CHD5: variants seen among roughly 807,000 people sequenced by gnomAD.
CHD5 encodes ATP-dependent chromatin remodeler CHD5.
In CHD5, 69 loss-of-function variants were observed where a neutral mutation model predicts 230.3. The observed-to-expected ratio is 0.30, with a 90% CI of 0.25 to 0.37. The LOEUF is 0.37. Ranked by LOEUF, CHD5 falls within the 10% of genes least tolerant of loss-of-function variation. CHD5 has a pLI of 1.00. For missense variants in CHD5, 1,827 were observed against 2,622.8 expected (o/e 0.70, Z 6.63); for synonymous variants, 1,064 against 1,065.9 (o/e 1.00, Z 0.03).
chr1:6,118,192 A>T (rs886420951), intron 33 of CHD5, among the ~76,000 whole-genome samples: 1 of 152,110 alleles, frequency 6.6e-6, no homozygotes, highest in Non-Finnish European at 1.5e-5. Flanking sequence ...CCTGGGCAAC[A>T]TGGCAAAACC....
At chr1:6,150,998 G>C (rs778731630) in intron 7 of CHD5, 34 bp downstream of exon 7, 5 of 1,484,668 alleles carry the variant, frequency 3.4e-6, no homozygotes, top group Admixed American at 4.0e-5. Context: ...CATCCACCCA[G>C]CAGGCCAAGA....
intron 1 of CHD5, among the ~76,000 whole-genome samples, chr1:6,177,554 G>A (rs1166996681): frequency 1.3e-5 from 2 of 152,210 alleles, no homozygotes; most frequent in Non-Finnish European, 2.9e-5. Context: ...CCAGCTACTA[G>A]GGAGGTTGAG....
At chr1:6,108,959 G>C (rs939761180) in intron 38 of CHD5, among the ~76,000 whole-genome samples, 1 of 151,900 alleles carries the variant, frequency 6.6e-6, no homozygotes, top group African/African-American at 2.4e-5. Flanking sequence ...GAGGTAGCCC[G>C]AGAGCTGGGG....
chr1:6,134,036 G>C lies in CHD5; in HGVS notation c.3144+92C>G, dbSNP rs1184089021. ...ACATGGGAACGGCACTGGGCCCTGA[G>C]GGGTGCCAGCAAGTTTGCGCCCCCA... On this transcript the variant is annotated intron_variant, in intron 20 of 41. Coordinates refer to ENST00000262450, the MANE Select transcript of CHD5 (RefSeq NM_015557.3). This position sits in a 1 kb window ranked among gnomAD's most constrained non-coding sequence, Gnocchi z 6.3. The C allele has an allele frequency of 1.5e-6, 2 of 1,301,512 alleles. No homozygotes were observed. Among genetic ancestry groups the C allele is most frequent in the Non-Finnish European group, 2.1e-6 (2 of 930,692 alleles). 80.6% of individuals were successfully genotyped at this position (1,301,512 alleles called of 1,614,324 possible). A position where few individuals can be genotyped will look rare whatever the true frequency, so the allele number is the denominator to read the frequency against.
intron 38 of CHD5, among the ~76,000 whole-genome samples, chr1:6,109,315 C>T (rs1192253880): frequency 5.9e-5 from 9 of 152,152 alleles, no homozygotes; most frequent in Admixed American, 5.9e-4. Context: ...CCCAACCAGC[C>T]GGGAGCCCCG....
At chr1:6,111,379 C>T (rs1222997911) in intron 36 of CHD5, among the ~76,000 whole-genome samples, 1 of 151,494 alleles carries the variant, frequency 6.6e-6, no homozygotes, top group African/African-American at 2.4e-5. Flanking sequence ...ACTAAAAATA[C>T]AAAAATTAGC....
rs374266322 is a variant in CHD5, at chr1:6,128,073, C to T, written c.3876G>A (p.Gln1292=). 1 of 1,612,444 alleles carries T rather than the reference C, an allele frequency of 6.2e-7. No homozygotes were observed. Among genetic ancestry groups the T allele is most frequent in the African/African-American group, 1.3e-5 (1 of 74,900 alleles). The change falls in exon 25 of 42, where the codon CAG becomes CAA. Residue 1292 remains glutamine (Q), a synonymous_variant. Transcript: ENST00000262450. The surrounding 1 kb of genome is among the most constrained non-coding windows in gnomAD (Gnocchi z 7.8). ...NEYLSSFKVA[Q]YVVREEDGVE... ...CGCCGTCCTCCTCGCGCACCACGTA[C>T]TGCGCCACCTTGAAGGAGCTCAGGT...
chr1:6,146,693 C>A lies in CHD5; in HGVS notation c.1562G>T (p.Trp521Leu). 1 of 1,613,914 alleles carries A rather than the reference C, an allele frequency of 6.2e-7. No individual in the cohort carries two copies. Among genetic ancestry groups the A allele is most frequent in the Non-Finnish European group, 8.5e-7 (1 of 1,179,982 alleles). ...TAGCTCCTTCACCCAGGAGCAATGC[C>A]AGTAGGACAGCCCTGCCCACTTGAC... ...FFVKWAGLSY[W>L]HCSWVKELQL... The change falls in exon 10 of 42, where the codon TGG (tryptophan) becomes TTG (leucine). Residue 521 changes from tryptophan (W) to leucine (L), a missense_variant. Physicochemically the swap from Trp to Leu is moderately conservative, Grantham distance 61. Coordinates refer to ENST00000262450, the MANE Select transcript of CHD5 (RefSeq NM_015557.3). The surrounding 1 kb of genome is among the most constrained non-coding windows in gnomAD (Gnocchi z 5.1).
intron 20 of CHD5, among the ~76,000 whole-genome samples, chr1:6,133,255 G>A (rs1427450859): frequency 6.6e-6 from 1 of 152,160 alleles, no homozygotes; most frequent in Non-Finnish European, 1.5e-5. Context: ...TCAGACTTGC[G>A]TCTCGTGTTG....
rs1264933954 is a variant in CHD5, at chr1:6,155,569, C to T, written c.506+30G>A. 2 of 1,561,012 alleles carry T rather than the reference C, an allele frequency of 1.3e-6. No individual in the cohort carries two copies. The highest frequency in any genetic ancestry group is 1.8e-6 in the Non-Finnish European group (2 of 1,132,334). On this transcript the variant is annotated intron_variant, in intron 4 of 41. Transcript: ENST00000262450. The surrounding 1 kb of genome is among the most constrained non-coding windows in gnomAD (Gnocchi z 4.0). Reference sequence around the variant, plus strand: ...TTGGTACCACCAGAGGATGTGCGGGCCTGGAGAACAGCCCTAGTGCCCCGC... The same window carrying T: ...TTGGTACCACCAGAGGATGTGCGGGTCTGGAGAACAGCCCTAGTGCCCCGC...
At chr1:6,117,110 T>A (rs375460224) in intron 33 of CHD5, among the ~76,000 whole-genome samples, 1 of 151,424 alleles carries the variant, frequency 6.6e-6, no homozygotes, top group East Asian at 1.9e-4. Flanking sequence ...AGAGGAGATA[T>A]AAAGAAAATT....
At position 6,135,276 on chromosome 1, in the gene CHD5, C is replaced by T. The variant is rs748825072; in HGVS notation, c.2824G>A (p.Ala942Thr). 1 of 1,614,150 alleles carries T rather than the reference C, an allele frequency of 6.2e-7. No homozygotes were observed. Among genetic ancestry groups the T allele is most frequent in the Non-Finnish European group, 8.5e-7 (1 of 1,180,040 alleles). ...LKADVFKNMP[A>T]KTELIVRVEL... ...ACCCGGACAATGAGCTCGGTCTTGG[C>T]CGGCATGTTCTTGAACACGTCAGCC... The change falls in exon 18 of 42, where the codon GCC becomes ACC. Residue 942 changes from alanine (A) to threonine (T), a missense_variant. By Grantham distance (58) the Ala-to-Thr change is moderately conservative. Transcript: ENST00000262450.
Position 6,146,837 on chromosome 1 carries a change from A to T in CHD5, c.1418T>A (p.Leu473Gln). Reference protein sequence around the residue: ...PPLKGKVQRILHWRWTEPPAP... With the variant: ...PPLKGKVQRIQHWRWTEPPAP... ...AGGGGGCTCCGTCCACCTCCAGTGT[A>T]GAATCCGCTGGACTTTGCCCTTCAG... is the stretch of plus-strand genomic sequence containing the variant. Residue 473 changes from leucine to glutamine, a missense_variant, in exon 10 of 42, where the codon CTA (leucine) becomes CAA (glutamine). Leu to Gln is a moderately radical substitution (Grantham distance 113). This residue lies in a region of CHD5 where 657 missense variants were observed against 816.4 expected (regional missense o/e 0.80). Coordinates refer to ENST00000262450, the MANE Select transcript of CHD5 (RefSeq NM_015557.3). The surrounding 1 kb of genome is among the most constrained non-coding windows in gnomAD (Gnocchi z 5.1). 1 of 1,549,984 alleles carries T rather than the reference A, an allele frequency of 6.5e-7. No homozygotes were observed.
chr1:6,107,683 A>C (rs1260975220), intron 38 of CHD5, among the ~76,000 whole-genome samples: 1 of 117,144 alleles, frequency 8.5e-6, no homozygotes, highest in Admixed American at 8.8e-5. Context: ...TGGAGGGATA[A>C]TATAGGGATG....
rs533589067 is a variant in CHD5, at chr1:6,165,720, G to A, written c.207+2430C>T. Among the ~76,000 whole-genome samples, 28 of 152,110 alleles carry A rather than the reference G, an allele frequency of 1.8e-4. No homozygotes were observed. The East Asian group carries it at 2.1e-3, about 12-fold the overall frequency. On this transcript the variant is annotated intron_variant, in intron 2 of 41. Transcript: ENST00000262450. ...CCGACCTCTGGGGCCAGGGGACAGC[G>A]GCCACAGCAGCAGAAGAGGAGGGCG...
chr1:6,162,047 A>C (rs1308646097), intron 2 of CHD5, among the ~76,000 whole-genome samples: 1 of 152,188 alleles, frequency 6.6e-6, no homozygotes, highest in African/African-American at 2.4e-5. Context: ...TCGTCTGTGA[A>C]CTGGGAATGC....
chr1:6,130,136 G>A lies in CHD5; in HGVS notation c.3387+68C>T. On this transcript the variant is annotated intron_variant, in intron 22 of 41. Transcript: ENST00000262450. This position sits in a 1 kb window ranked among gnomAD's most constrained non-coding sequence, Gnocchi z 4.9. ...GGGTGATGGCAAGAAGGGCATGAAG[G>A]ACAGAACCTGCCTGAGGCCCGGGAT... The A allele has an allele frequency of 6.3e-7, 1 of 1,584,008 alleles. No homozygotes were observed. Among genetic ancestry groups the A allele is most frequent in the Non-Finnish European group, 8.6e-7 (1 of 1,157,072 alleles).
chr1:6,133,097 G>A lies in CHD5; in HGVS notation c.3144+1031C>T, dbSNP rs953762681. Among the ~76,000 whole-genome samples, 4 of 152,262 alleles carry A rather than the reference G, an allele frequency of 2.6e-5. No homozygotes were observed. The East Asian group carries it at 5.8e-4, about 22-fold the overall frequency. On this transcript the variant is annotated intron_variant, in intron 20 of 41. Coordinates refer to ENST00000262450, the MANE Select transcript of CHD5 (RefSeq NM_015557.3). The stretch of plus-strand genomic sequence containing the variant: ...TTGGATTCTATTTATTGTTTTGGGG[G>A]ATGTCTCAGCATTCACTTTTGTATG...
At chr1:6,124,384 T>C in intron 30 of CHD5, 133 bp downstream of exon 30, 1 of 1,045,924 alleles carries the variant, frequency 9.6e-7, no homozygotes, top group Non-Finnish European at 1.4e-6. Flanking sequence ...TCAGTCCCTC[T>C]GGAGTGACTC....
Sources: gnomAD v4.1 joint callset for allele counts (sites outside exome capture counted in the v4.1 genomes callset) on GRCh38, gnomAD v4.1.1 for gene constraint, gnomAD v4.1.1 regional missense constraint, Gnocchi (gnomAD v3.1) non-coding constraint, MANE v1.5 for transcripts, NCBI Gene and HGNC (gene_info 2026-07-23, HGNC 2026-07-21) for gene names.